SPECC1: variants seen among roughly 807,000 people sequenced by gnomAD.
SPECC1 encodes the protein sperm antigen with calponin homology and coiled-coil domains 1, also known as cytospin-B.
Under a neutral mutation model 104.1 loss-of-function variants are expected in SPECC1, and 62 were observed. The ratio of observed to expected loss-of-function variants is 0.60; its 90% confidence interval spans 0.49 to 0.74. SPECC1 has a LOEUF of 0.74. Ranked by LOEUF, SPECC1 falls within the 30% of genes least tolerant of loss-of-function variation. The pLI is 0.00. For missense variants in SPECC1, 1,306 were observed against 1,310.5 expected (o/e 1.00, Z 0.05); for synonymous variants, 513 against 501.6 (o/e 1.02, Z -0.30).
chr17:20,205,397 C>T lies in SPECC1; in HGVS notation c.1348C>T (p.Arg450Ter), dbSNP rs200831159. 4.3e-6 allele frequency: 7 copies of T among 1,613,506 alleles called. No homozygotes were observed. The highest frequency in any genetic ancestry group is 5.9e-6 in the Non-Finnish European group (7 of 1,179,966). The change falls in exon 4 of 15, where the codon CGA becomes TGA. Residue 450 changes from arginine to a stop codon, truncating the protein, a stop_gained. Coordinates refer to ENST00000395527, the MANE Select transcript of SPECC1 (RefSeq NM_001243439.2). LOFTEE classifies it high-confidence loss of function. ...NEKLMNLLQE[R>*]VKNEEPTTQE... The stretch of plus-strand genomic sequence containing the variant: ...GAAGCTGATGAATCTTTTACAAGAG[C>T]GAGTAAAGAATGAAGAGCCCACCAC...
intron 4 of SPECC1, among the ~76,000 whole-genome samples, chr17:20,206,738 A>G (rs933526408): frequency 6.6e-6 from 1 of 152,190 alleles, no homozygotes; most frequent in African/African-American, 2.4e-5. Flanking sequence ...CGAGTCAAAG[A>G]GTATAAACAT....
rs1226756844 is a variant in SPECC1, at chr17:20,315,007, C to G, written c.*942C>G. On this transcript the variant is annotated 3_prime_UTR_variant, in exon 15 of 15. Transcript: ENST00000395527. ...CTTTCACAGTAGGGAAACCGCAGTC[C>G]TCGTCACCTGCGCCTTTGTCCTCCC... The G allele has an allele frequency of 4.3e-6, 1 of 232,776 alleles. No individual in the cohort carries two copies. The highest frequency in any genetic ancestry group is 8.5e-6 in the Non-Finnish European group (1 of 117,898). The allele number at this position is 232,776 out of a possible 1,614,324, so 14.4% of individuals were successfully genotyped here.
At chr17:20,179,132 G>A (rs559481953) in intron 3 of SPECC1, among the ~76,000 whole-genome samples, 73 of 152,174 alleles carry the variant, frequency 4.8e-4, no homozygotes, top group Non-Finnish European at 8.7e-4. Flanking sequence ...ATGTTGAGTT[G>A]CTGTGAAATT....
chr17:20,204,358 A>G lies in SPECC1; in HGVS notation c.309A>G (p.Thr103=), dbSNP rs1460011765. The stretch of plus-strand genomic sequence containing the variant: ...GGGCCTTTACAACAACTAAACGGAC[A>G]GGCATTCCAGCCCCACGGGAATTTT... ...GTGAFTTTKR[T]GIPAPREFSV... Residue 103 remains threonine, a synonymous_variant, in exon 4 of 15, where the codon ACA becomes ACG. Coordinates refer to ENST00000395527, the MANE Select transcript of SPECC1 (RefSeq NM_001243439.2). 1 of 1,612,598 alleles carries G rather than the reference A, an allele frequency of 6.2e-7. No homozygotes were observed. Among genetic ancestry groups the G allele is most frequent in the East Asian group, 2.2e-5 (1 of 44,884 alleles).
At chr17:20,167,306 A>G (rs2033738772) in intron 3 of SPECC1, among the ~76,000 whole-genome samples, 1 of 151,930 alleles carries the variant, frequency 6.6e-6, no homozygotes, top group African/African-American at 2.4e-5. Context: ...GGAAAACAAA[A>G]TTACCAAAAT....
At chr17:20,229,365 A>G (rs1020253701) in intron 5 of SPECC1, among the ~76,000 whole-genome samples, 1 of 152,094 alleles carries the variant, frequency 6.6e-6, no homozygotes, top group Non-Finnish European at 1.5e-5. Flanking sequence ...GTGTTATTGA[A>G]TCAACAAAGC....
At chr17:20,231,458 T>C (rs549707341) in intron 5 of SPECC1, among the ~76,000 whole-genome samples, 1 of 152,324 alleles carries the variant, frequency 6.6e-6, no homozygotes, top group Admixed American at 6.5e-5. Flanking sequence ...TGCATGGCCA[T>C]GGAGGCCTCT....
intron 1 of SPECC1, among the ~76,000 whole-genome samples, chr17:20,026,807 G>C (rs1033088200): frequency 6.6e-6 from 1 of 152,136 alleles, no homozygotes; most frequent in Admixed American, 6.5e-5. Context: ...CCCAGTAGTA[G>C]GGTTGCTGGA....
intron 2 of SPECC1, among the ~76,000 whole-genome samples, chr17:20,103,400 T>G (rs988540817): frequency 6.6e-6 from 1 of 152,220 alleles, no homozygotes; most frequent in Non-Finnish European, 1.5e-5. Flanking sequence ...GGTGGTTAAC[T>G]CTGATCGGCA....
intron 12 of SPECC1, among the ~76,000 whole-genome samples, chr17:20,288,427 T>C (rs2041035386): frequency 6.6e-6 from 1 of 151,744 alleles, no homozygotes; most frequent in Non-Finnish European, 1.5e-5. Context: ...GCAAAGGACA[T>C]GAACAGACAC....
At chr17:20,096,910 C>T in intron 2 of SPECC1, 112 bp downstream of exon 2, 1 of 1,363,056 alleles carries the variant, frequency 7.3e-7, no homozygotes, top group Non-Finnish European at 1.0e-6. Flanking sequence ...AAGGAGGCTC[C>T]CAAGGAGGGG....
chr17:20,192,762 T>C (rs1362660675), intron 3 of SPECC1, among the ~76,000 whole-genome samples: 1 of 152,228 alleles, frequency 6.6e-6, no homozygotes, highest in Non-Finnish European at 1.5e-5. Flanking sequence ...ATGGATATTA[T>C]TGTGACTACA....
At chr17:20,133,788 A>ATC (rs1274163063) in intron 3 of SPECC1, among the ~76,000 whole-genome samples, 1 of 152,162 alleles carries the variant, frequency 6.6e-6, no homozygotes, top group Non-Finnish European at 1.5e-5. Flanking sequence ...AACAGACTGA[A>ATC]TCTTTTGTGT....
chr17:20,215,459 C>T (rs1286876608), intron 4 of SPECC1, among the ~76,000 whole-genome samples: 1 of 152,172 alleles, frequency 6.6e-6, no homozygotes, highest in African/African-American at 2.4e-5. Context: ...GTTTATGAGT[C>T]AGGTATCTTT....
In SPECC1 at chr17:20,107,560, G is replaced by A. The variant is rs186727517; in HGVS notation, c.148-2867G>A. On this transcript the variant is annotated intron_variant, in intron 2 of 14. Coordinates refer to ENST00000395527, the MANE Select transcript of SPECC1 (RefSeq NM_001243439.2). ...TAACCTCCATCTCCTGGGTTCAAGC[G>A]ATTCTCCTGCCTCAGCCTCCCGAGT... Among the ~76,000 whole-genome samples, 1,045 of 151,130 alleles carry A rather than the reference G, an allele frequency of 6.9e-3. 13 individuals carry two copies. The highest frequency in any genetic ancestry group is 0.024 in the African/African-American group (974 of 41,180).
At chr17:20,052,786 G>A (rs2045824149) in intron 1 of SPECC1, among the ~76,000 whole-genome samples, 1 of 152,194 alleles carries the variant, frequency 6.6e-6, no homozygotes, top group East Asian at 1.9e-4. Context: ...CCTGGAACAG[G>A]CCAGGAAGAC....
At chr17:20,305,285 A>G (rs891663106) in intron 13 of SPECC1, among the ~76,000 whole-genome samples, 1 of 152,132 alleles carries the variant, frequency 6.6e-6, no homozygotes, top group African/African-American at 2.4e-5. Context: ...AGGTGGAGGG[A>G]AGAAAGGGTA....
chr17:20,081,672 T>C (rs2046979877), intron 1 of SPECC1, among the ~76,000 whole-genome samples: 1 of 152,006 alleles, frequency 6.6e-6, no homozygotes, highest in South Asian at 2.1e-4. Flanking sequence ...TCTGGAAGAT[T>C]GGGCTGGACT....
intron 1 of SPECC1, among the ~76,000 whole-genome samples, chr17:20,062,690 A>G (rs184943211): frequency 1.3e-4 from 19 of 145,028 alleles, no homozygotes; most frequent in African/African-American, 5.0e-4. Context: ...CACAAGAAAT[A>G]CATTTTTTTT....
Sources: allele counts gnomAD v4.1 joint callset (sites outside exome capture counted in the v4.1 genomes callset), GRCh38; gene constraint gnomAD v4.1.1; transcripts MANE v1.5; gene names NCBI Gene and HGNC (gene_info 2026-07-23, HGNC 2026-07-21).